RABGAP1L: variants seen among roughly 807,000 people sequenced by gnomAD.
The protein encoded by RABGAP1L is RAB GTPase activating protein 1 like, also known as rab GTPase-activating protein 1-like.
In RABGAP1L, 63 loss-of-function variants were observed where a neutral mutation model predicts 137.7. The ratio of observed to expected loss-of-function variants is 0.46; its 90% CI spans 0.37 to 0.56. RABGAP1L has a LOEUF of 0.56. Ranked by LOEUF, RABGAP1L falls within the 20% of genes least tolerant of loss-of-function variation. The probability of loss-of-function intolerance (pLI) is 0.00; values close to 1 mark genes in which losing one functional copy is unlikely to be tolerated. For synonymous variants in RABGAP1L, 431 were observed against 433.7 expected, an observed-to-expected ratio of 0.99 and a Z score of 0.08; for missense variants, 1,095 against 1,244.0, an observed-to-expected ratio of 0.88 and a Z score of 1.80.
intron 13 of RABGAP1L, among the ~76,000 whole-genome samples, chr1:174,514,976 T>C (rs1662685769): frequency 6.6e-6 from 1 of 152,146 alleles, no homozygotes; most frequent in South Asian, 2.1e-4. Flanking sequence ...AAAATGTTCT[T>C]TATTTAAAAT....
chr1:174,320,783 A>G (rs1434242366), intron 11 of RABGAP1L, among the ~76,000 whole-genome samples: 2 of 152,114 alleles, frequency 1.3e-5, no homozygotes, highest in African/African-American at 2.4e-5. Context: ...CTGAGGGTGT[A>G]TGTCGCCTCA....
intron 13 of RABGAP1L, among the ~76,000 whole-genome samples, chr1:174,458,160 G>A (rs74126807): frequency 0.035 from 5,268 of 152,008 alleles, 119 homozygotes; most frequent in Middle Eastern, 0.089. Flanking sequence ...ATTACAGTCC[G>A]CTGACTATTG....
Position 174,870,320 on chromosome 1 carries a change from A to G in RABGAP1L, c.2340+58360A>G, listed in dbSNP as rs567736711. ...CTAAATTCAATCCATCTTTTCCATG[A>G]AGGCTTCCCCATCTGCAGAGGGACT... On this transcript the variant is annotated intron_variant, in intron 19 of 25. Coordinates refer to ENST00000681986, the MANE Select transcript of RABGAP1L (RefSeq NM_001366446.1). Among the ~76,000 whole-genome samples the G allele has an allele frequency of 6.6e-5, 10 of 152,312 alleles. No individual in the cohort carries two copies. The South Asian group carries it at 1.9e-3, about 28-fold the overall frequency.
intron 13 of RABGAP1L, among the ~76,000 whole-genome samples, chr1:174,395,591 C>T (rs1264273199): frequency 6.6e-6 from 1 of 152,000 alleles, no homozygotes; most frequent in Non-Finnish European, 1.5e-5. Flanking sequence ...AACCTGGAAT[C>T]AGAAACTTTA....
intron 13 of RABGAP1L, among the ~76,000 whole-genome samples, chr1:174,457,407 T>C (rs888399143): frequency 6.6e-6 from 1 of 151,430 alleles, no homozygotes; most frequent in African/African-American, 2.4e-5. Context: ...ATTAGGACAA[T>C]AATATTAACA....
chr1:174,912,266 T>C (rs994826646), intron 19 of RABGAP1L, among the ~76,000 whole-genome samples: 1 of 152,098 alleles, frequency 6.6e-6, no homozygotes, highest in Non-Finnish European at 1.5e-5. Context: ...CTCAGCCTTC[T>C]GAGTAGCTGG....
At chr1:174,925,484 G>T (rs543780234) in intron 19 of RABGAP1L, among the ~76,000 whole-genome samples, 1 of 151,732 alleles carries the variant, frequency 6.6e-6, no homozygotes, top group Non-Finnish European at 1.5e-5. Flanking sequence ...GATGAGATAA[G>T]AGGAGAGTGG....
At position 174,984,357 on chromosome 1, in the gene RABGAP1L, A is replaced by G. The variant is rs1317561810; in HGVS notation, c.2805+1452A>G. Among the ~76,000 whole-genome samples the G allele has an allele frequency of 2.6e-5, 4 of 152,246 alleles. No homozygotes were observed. In the South Asian group the frequency reaches 6.2e-4, roughly 24 times the overall value. ...ATAGCTATTAGACTGCCATTTTGTTATAGAAATTACACATGAAAAGGAGCT... is the reference window on the plus strand; with the variant it reads ...ATAGCTATTAGACTGCCATTTTGTTGTAGAAATTACACATGAAAAGGAGCT... On this transcript the variant is annotated intron_variant, in intron 24 of 25. Transcript: ENST00000681986.
At chr1:174,187,450 T>C (rs907130428) in intron 1 of RABGAP1L, among the ~76,000 whole-genome samples, 3 of 152,110 alleles carry the variant, frequency 2.0e-5, no homozygotes, top group Non-Finnish European at 4.4e-5. Flanking sequence ...AATCAAATGT[T>C]TATTATTTAT....
At chr1:174,773,725 T>C (rs1686305377) in intron 18 of RABGAP1L, among the ~76,000 whole-genome samples, 1 of 152,230 alleles carries the variant, frequency 6.6e-6, no homozygotes, top group Admixed American at 6.5e-5. Flanking sequence ...TTCTCTGCTC[T>C]TGACTGGCTG....
chr1:174,256,401 C>G (rs1163208299), intron 7 of RABGAP1L, among the ~76,000 whole-genome samples: 1 of 152,152 alleles, frequency 6.6e-6, no homozygotes, highest in Non-Finnish European at 1.5e-5. Context: ...ATTCTGATTA[C>G]ATAGTTAAGA....
chr1:174,813,223 A>G (rs930514632), intron 19 of RABGAP1L, among the ~76,000 whole-genome samples: 2 of 152,200 alleles, frequency 1.3e-5, no homozygotes, highest in East Asian at 3.8e-4. Context: ...AGATGATGAT[A>G]GACTGAACCA....
intron 19 of RABGAP1L, among the ~76,000 whole-genome samples, chr1:174,856,017 C>T (rs1649221882): frequency 6.6e-6 from 1 of 152,160 alleles, no homozygotes; most frequent in Non-Finnish European, 1.5e-5. Flanking sequence ...TTCTTTAAGC[C>T]TATTTTTAAT....
At chr1:174,863,233 CAAA>C (rs71117585) in intron 19 of RABGAP1L, among the ~76,000 whole-genome samples, 1 of 82,636 alleles carries the variant, frequency 1.2e-5, no homozygotes. Flanking sequence ...TTGTTTGTAG[CAAA>C]AAAAAAAAAA....
At chr1:174,772,520 A>T (rs1446397985) in intron 18 of RABGAP1L, among the ~76,000 whole-genome samples, 2 of 147,448 alleles carry the variant, frequency 1.4e-5, no homozygotes, top group Admixed American at 1.4e-4. Flanking sequence ...GTGAGCTGAG[A>T]TCGCACCACT....
intron 12 of RABGAP1L, among the ~76,000 whole-genome samples, chr1:174,376,404 G>T (rs1239821530): frequency 6.6e-6 from 1 of 152,086 alleles, no homozygotes; most frequent in Admixed American, 6.5e-5. Context: ...TTGCAGACGA[G>T]TGTCCCTCAT....
At chr1:174,205,369 T>C (rs1668432941) in intron 1 of RABGAP1L, among the ~76,000 whole-genome samples, 2 of 152,158 alleles carry the variant, frequency 1.3e-5, no homozygotes, top group African/African-American at 2.4e-5. Flanking sequence ...TGGTACCAGC[T>C]CTTCTCTGTA....
At chr1:174,783,707 CTTT>C (rs34367315) in intron 18 of RABGAP1L, among the ~76,000 whole-genome samples, 8 of 102,466 alleles carry the variant, frequency 7.8e-5, no homozygotes, top group South Asian at 3.3e-4. Flanking sequence ...TCTTCTTCTT[CTTT>C]TTTTTTTTTT....
chr1:174,935,806 AC>A (rs1664679846), intron 19 of RABGAP1L, among the ~76,000 whole-genome samples: 1 of 151,974 alleles, frequency 6.6e-6, no homozygotes, highest in Non-Finnish European at 1.5e-5. Flanking sequence ...ACACAGTGAA[AC>A]CCCGTCTCTA....
Sources: allele counts gnomAD v4.1 joint callset (sites outside exome capture counted in the v4.1 genomes callset), GRCh38; gene constraint gnomAD v4.1.1; transcripts MANE v1.5; gene names NCBI Gene and HGNC (gene_info 2026-07-23, HGNC 2026-07-21).